SLIT3: variants seen among roughly 807,000 people sequenced by gnomAD.
The protein encoded by SLIT3 is slit homolog 3 protein.
Under a neutral mutation model 184.0 loss-of-function variants are expected in SLIT3, and 68 were observed. The ratio of observed to expected loss-of-function variants is 0.37; its 90% CI spans 0.30 to 0.45. The LOEUF (loss-of-function observed/expected upper bound fraction) is 0.45. Among genes scored for constraint, SLIT3 ranks in the 20% least tolerant of loss-of-function variants. The pLI is 1.00. For synonymous variants in SLIT3, 831 were observed against 828.6 expected, an observed-to-expected ratio of 1.00 and a Z score of -0.05; for missense variants, 1,707 against 2,026.0, an observed-to-expected ratio of 0.84 and a Z score of 3.02.
At chr5:168,999,600 C>T (rs1046418942) in intron 4 of SLIT3, among the ~76,000 whole-genome samples, 8 of 152,206 alleles carry the variant, frequency 5.3e-5, no homozygotes, top group African/African-American at 1.7e-4. Context: ...CTGGTCCCCA[C>T]TCACATTGGC....
intron 26 of SLIT3, among the ~76,000 whole-genome samples, chr5:168,705,924 TAA>T (rs1246837548): frequency 1.3e-5 from 2 of 152,206 alleles, no homozygotes; most frequent in Admixed American, 1.3e-4. Flanking sequence ...AAGCTGATTA[TAA>T]AAATCAGAGA....
chr5:169,027,584 C>T (rs1156253619), intron 4 of SLIT3, among the ~76,000 whole-genome samples: 1 of 152,198 alleles, frequency 6.6e-6, no homozygotes, highest in Non-Finnish European at 1.5e-5. Context: ...TAATCTGATT[C>T]CTTTTCACTC....
rs1039069097 is a variant in SLIT3 at position 168,753,893 on chromosome 5, C to T, written c.1800G>A (p.Val600=). ...TTTTGAGGCCACTGAGGCCACGGAA[C>T]ACGCGCCCGTGCACGGTCTCCAGCT... is the stretch of plus-strand genomic sequence containing the variant. The part of the protein sequence containing the change: ...GNQLETVHGR[V]FRGLSGLKTL... The change falls in exon 17 of 36, where the codon GTG becomes GTA. Residue 600 remains valine, a synonymous_variant. Coordinates refer to ENST00000519560, the MANE Select transcript of SLIT3 (RefSeq NM_003062.4). 2 of 1,611,810 alleles carry T rather than the reference C, an allele frequency of 1.2e-6. No individual in the cohort carries two copies. The highest frequency in any genetic ancestry group is 1.1e-5 in the South Asian group (1 of 91,030).
chr5:168,673,982 T>A (rs1258285861), intron 32 of SLIT3, among the ~76,000 whole-genome samples: 1 of 152,240 alleles, frequency 6.6e-6, no homozygotes, highest in Non-Finnish European at 1.5e-5. Context: ...AATTTCCCCC[T>A]TAAATATCAG....
intron 4 of SLIT3, among the ~76,000 whole-genome samples, chr5:169,083,928 C>A (rs78098312): frequency 0.13 from 19,557 of 152,160 alleles, 1,344 homozygotes; most frequent in East Asian, 0.22. Flanking sequence ...TCTTAGTAAA[C>A]CTGCTCTCTC....
intron 4 of SLIT3, among the ~76,000 whole-genome samples, chr5:169,058,421 T>C (rs1383824844): frequency 6.6e-6 from 1 of 151,992 alleles, no homozygotes; most frequent in African/African-American, 2.4e-5. Context: ...ATCTGAAAGG[T>C]AAGAACGCAG....
chr5:169,030,594 G>A (rs1756993857), intron 4 of SLIT3: 1 of 152,194 alleles, frequency 6.6e-6, no homozygotes, highest in African/African-American at 2.4e-5. Context: ...TCTTTGGAAT[G>A]TTTTTGTATC....
chr5:168,703,153 T>C (rs543343715), intron 26 of SLIT3, among the ~76,000 whole-genome samples: 1 of 152,138 alleles, frequency 6.6e-6, no homozygotes, highest in South Asian at 2.1e-4. Flanking sequence ...CTCTTCAGCC[T>C]CATTTTGCTC....
At chr5:168,771,392 G>A (rs1755545341) in intron 14 of SLIT3, among the ~76,000 whole-genome samples, 1 of 152,136 alleles carries the variant, frequency 6.6e-6, no homozygotes, top group East Asian at 1.9e-4. Context: ...GATGCTGTGT[G>A]GTGTGAGGAC....
intron 26 of SLIT3, among the ~76,000 whole-genome samples, chr5:168,704,324 T>G (rs1362641651): frequency 6.6e-6 from 1 of 152,096 alleles, no homozygotes; most frequent in East Asian, 1.9e-4. Context: ...CTTTGTGAAG[T>G]ATCTACTGAA....
chr5:169,017,946 G>A (rs919843815), intron 4 of SLIT3: 4 of 152,188 alleles, frequency 2.6e-5, no homozygotes, highest in South Asian at 2.1e-4. Context: ...AGGCTGGTAA[G>A]ATTGCTAGAT....
chr5:168,801,160 C>A (rs998590906), intron 9 of SLIT3, among the ~76,000 whole-genome samples: 1 of 152,154 alleles, frequency 6.6e-6, no homozygotes, highest in African/African-American at 2.4e-5. Flanking sequence ...CTCCTTCGTA[C>A]CACCTGCTCC....
chr5:169,210,643 G>A (rs1366479746), intron 3 of SLIT3, among the ~76,000 whole-genome samples: 2 of 152,142 alleles, frequency 1.3e-5, no homozygotes, highest in African/African-American at 4.8e-5. Flanking sequence ...GGTGAAACTG[G>A]AGTTGAACAT....
intron 12 of SLIT3, among the ~76,000 whole-genome samples, chr5:168,784,011 T>C (rs1756065345): frequency 1.3e-5 from 2 of 152,180 alleles, no homozygotes; most frequent in South Asian, 4.1e-4. Flanking sequence ...GAGATACACA[T>C]CTTTTTAAGT....
chr5:168,736,257 C>T (rs1387477424), intron 20 of SLIT3, among the ~76,000 whole-genome samples: 1 of 152,226 alleles, frequency 6.6e-6, no homozygotes, highest in Non-Finnish European at 1.5e-5. Context: ...CACAGCCCCT[C>T]CCATAGATGG....
chr5:168,922,190 G>T (rs1437401915), intron 4 of SLIT3, among the ~76,000 whole-genome samples: 2 of 152,132 alleles, frequency 1.3e-5, no homozygotes, highest in Non-Finnish European at 2.9e-5. Flanking sequence ...AGGTGCGGTG[G>T]CTCACACCTG....
chr5:168,736,628 C>A (rs1226571096), intron 20 of SLIT3, among the ~76,000 whole-genome samples: 1 of 152,188 alleles, frequency 6.6e-6, no homozygotes, highest in African/African-American at 2.4e-5. Context: ...AGCCTCATGG[C>A]AGGCTGCCTG....
chr5:169,214,870 GC>G (rs1312579195), intron 3 of SLIT3, among the ~76,000 whole-genome samples: 1 of 152,104 alleles, frequency 6.6e-6, no homozygotes, highest in African/African-American at 2.4e-5. Flanking sequence ...ATCGCTGTAT[GC>G]CATGAGGTAT....
chr5:168,889,130 A>G (rs2113803406), intron 4 of SLIT3, among the ~76,000 whole-genome samples: 1 of 152,352 alleles, frequency 6.6e-6, no homozygotes, highest in South Asian at 2.1e-4. Context: ...TTTATACAGC[A>G]GGAGGGACAA....
Sources: gnomAD v4.1 joint callset for allele counts (sites outside exome capture counted in the v4.1 genomes callset) on GRCh38, gnomAD v4.1.1 for gene constraint, MANE v1.5 for transcripts, NCBI Gene and HGNC (gene_info 2026-07-23, HGNC 2026-07-21) for gene names.